The following AFDN variants were observed in gnomAD, a reference collection of about 807,000 sequenced individuals.
AFDN encodes the protein afadin, adherens junction formation factor.
A neutral mutation model predicts 216.6 loss-of-function variants in AFDN; 68 were observed. The observed-to-expected ratio is 0.31, with a 90% CI of 0.26 to 0.38. The LOEUF (loss-of-function observed/expected upper bound fraction) is 0.38. Ranked by LOEUF, AFDN falls within the 10% of genes least tolerant of loss-of-function variation. AFDN has a pLI of 1.00. For missense variants in AFDN, 2,136 were observed against 2,342.0 expected (o/e 0.91, Z 1.82); for synonymous variants, 868 against 853.7 (o/e 1.02, Z -0.29).
At chr6:167,862,360 A>G (rs1215325512) in intron 1 of AFDN, among the ~76,000 whole-genome samples, 1 of 151,408 alleles carries the variant, frequency 6.6e-6, no homozygotes, top group African/African-American at 2.4e-5. Context: ...TTTCGCATGC[A>G]TTTTTAGTTA....
intron 26 of AFDN, among the ~76,000 whole-genome samples, chr6:167,945,618 A>G (rs955515324): frequency 1.3e-5 from 2 of 152,218 alleles, no homozygotes; most frequent in Non-Finnish European, 2.9e-5. Flanking sequence ...ACTGGCTAAG[A>G]TCATTTAGAA....
intron 9 of AFDN, 147 bp from the exon 10 acceptor site, chr6:167,896,731 T>C (rs764743809): frequency 5.4e-6 from 3 of 555,984 alleles, no homozygotes; most frequent in Non-Finnish European, 9.6e-6. Context: ...TTTGTTAAAT[T>C]GTGTTACATA....
chr6:167,941,747 G>A (rs1353098717), intron 23 of AFDN, among the ~76,000 whole-genome samples: 1 of 90,666 alleles, frequency 1.1e-5, no homozygotes, highest in Admixed American at 1.1e-4. Context: ...GGAGAGATGT[G>A]TGGATAGACA....
chr6:167,935,142 T>G (rs76832210), intron 23 of AFDN, among the ~76,000 whole-genome samples: 8,158 of 152,252 alleles, frequency 0.054, 267 homozygotes, highest in Non-Finnish European at 0.077. Flanking sequence ...TCCTTTCTTC[T>G]CTCTCCTCTC....
chr6:167,964,368 A>G (rs1797324190), intron 31 of AFDN: 5 of 1,064,552 alleles, frequency 4.7e-6, no homozygotes, highest in Non-Finnish European at 5.7e-6. Flanking sequence ...ACTGTTCTTC[A>G]TGTTAATACT....
chr6:167,956,585 A>G (rs1051079202), intron 30 of AFDN, among the ~76,000 whole-genome samples: 2 of 151,992 alleles, frequency 1.3e-5, no homozygotes, highest in Non-Finnish European at 2.9e-5. Context: ...TGCCCATGTA[A>G]CATCTCCACA....
intron 19 of AFDN, among the ~76,000 whole-genome samples, chr6:167,916,224 CCTGT>C (rs1164952377): frequency 6.6e-6 from 1 of 152,172 alleles, no homozygotes; most frequent in Non-Finnish European, 1.5e-5. Context: ...TCCTTGTTTG[CCTGT>C]CTGTGTCCGA....
intron 1 of AFDN, among the ~76,000 whole-genome samples, chr6:167,836,736 C>CTATA (rs1433635320): frequency 2.0e-5 from 3 of 152,112 alleles, no homozygotes; most frequent in Non-Finnish European, 4.4e-5. Flanking sequence ...CATTACTAAA[C>CTATA]TATTATGATG....
chr6:167,943,918 C>A (rs757374932), intron 25 of AFDN, 23 bp from the exon 26 acceptor site: 3 of 1,601,776 alleles, frequency 1.9e-6, no homozygotes, highest in Non-Finnish European at 2.6e-6. Flanking sequence ...GTCTTTCTTA[C>A]ATGTGTAATC....
At chr6:167,879,870 A>T (rs1785895947) in intron 5 of AFDN, among the ~76,000 whole-genome samples, 2 of 152,198 alleles carry the variant, frequency 1.3e-5, no homozygotes, top group South Asian at 4.1e-4. Flanking sequence ...TTCACTTTTT[A>T]AAAATGGATT....
intron 21 of AFDN, among the ~76,000 whole-genome samples, chr6:167,919,949 A>G (rs577435729): frequency 1.9e-4 from 29 of 152,344 alleles, no homozygotes; most frequent in South Asian, 1.2e-3. Context: ...ACTCCCCACA[A>G]TAAATACGTT....
chr6:167,897,500 A>G (rs1017076841), intron 10 of AFDN, among the ~76,000 whole-genome samples: 12 of 152,170 alleles, frequency 7.9e-5, no homozygotes, highest in African/African-American at 2.9e-4. Flanking sequence ...ATGGGTTCAG[A>G]TTGTTAATAT....
At chr6:167,832,449 GCTGAAGTCAT>G in intron 1 of AFDN, among the ~76,000 whole-genome samples, 1 of 152,180 alleles carries the variant, frequency 6.6e-6, no homozygotes, top group Non-Finnish European at 1.5e-5. Flanking sequence ...TCTTTGCCTA[GCTGAAGTCAT>G]CTGGTTGAGA....
intron 4 of AFDN, among the ~76,000 whole-genome samples, chr6:167,874,925 G>A (rs1223475445): frequency 6.6e-6 from 1 of 152,074 alleles, no homozygotes; most frequent in Non-Finnish European, 1.5e-5. Context: ...TAAATTTACT[G>A]TAATGTTAAG....
rs149006851 is a variant in AFDN, at chr6:167,855,745, T to C, written c.106-8806T>C. Among the ~76,000 whole-genome samples, 410 of 152,248 alleles carry C rather than the reference T, an allele frequency of 2.7e-3. 4 individuals carry two copies. Among genetic ancestry groups the C allele is most frequent in the African/African-American group, 9.1e-3 (378 of 41,562 alleles). Reference sequence around the variant, plus strand: ...TAGCTACACCAAATAGTGACCTGAATGTTTAGACAAGGGCCTGTATTATTT... The same window carrying C: ...TAGCTACACCAAATAGTGACCTGAACGTTTAGACAAGGGCCTGTATTATTT... On this transcript the variant is annotated intron_variant, in intron 1 of 33. Coordinates refer to ENST00000683244, the MANE Select transcript of AFDN (RefSeq NM_001386888.1).
chr6:167,945,791 C>G (rs939186423), intron 26 of AFDN, among the ~76,000 whole-genome samples: 1 of 152,100 alleles, frequency 6.6e-6, no homozygotes, highest in Non-Finnish European at 1.5e-5. Flanking sequence ...ACAGCTACAT[C>G]AAAAAGAATC....
intron 1 of AFDN, among the ~76,000 whole-genome samples, chr6:167,830,478 A>C (rs1053637624): frequency 6.6e-6 from 1 of 152,224 alleles, no homozygotes; most frequent in Non-Finnish European, 1.5e-5. Context: ...ATGCTTTCTA[A>C]AAATGTAGTG....
intron 23 of AFDN, chr6:167,932,611 A>C (rs1793452847): frequency 6.6e-6 from 1 of 152,252 alleles, no homozygotes; most frequent in South Asian, 2.1e-4. Context: ...CATCCAGCGC[A>C]GAATGTGGTG....
Position 167,930,943 on chromosome 6 carries a change from A to T in AFDN, c.3099+5852A>T, listed in dbSNP as rs570987191. On this transcript the variant is annotated intron_variant, in intron 23 of 33. Coordinates refer to ENST00000683244, the MANE Select transcript of AFDN (RefSeq NM_001386888.1). ...GAGACGCTCAGAAGTACAACCAGAGACTAGTAAGTAAGTTGTACTAGTTTT... is the reference window on the plus strand; with the variant it reads ...GAGACGCTCAGAAGTACAACCAGAGTCTAGTAAGTAAGTTGTACTAGTTTT... Among the ~76,000 whole-genome samples, 5 of 152,312 alleles carry T rather than the reference A, an allele frequency of 3.3e-5. No homozygotes were observed. In the South Asian group the frequency reaches 1.0e-3, roughly 32 times the overall value.
Sources: allele counts gnomAD v4.1 joint callset (sites outside exome capture counted in the v4.1 genomes callset), GRCh38; gene constraint gnomAD v4.1.1; transcripts MANE v1.5; gene names NCBI Gene and HGNC (gene_info 2026-07-23, HGNC 2026-07-21).